Variants in GBE1 observed in about 807,000 individuals in gnomAD.
GBE1 encodes 1,4-alpha-glucan-branching enzyme.
Under a neutral mutation model 88.8 loss-of-function variants are expected in GBE1, and 70 were observed. The ratio of observed to expected loss-of-function variants is 0.79; its 90% CI spans 0.65 to 0.96. The LOEUF (loss-of-function observed/expected upper bound fraction) is 0.96. Ranked by LOEUF, GBE1 falls within the 40% of genes least tolerant of loss-of-function variation. The pLI, the probability that GBE1 is intolerant of heterozygous loss-of-function variation, is 0.00. For synonymous variants in GBE1, 284 were observed against 300.1 expected, an observed-to-expected ratio of 0.95 and a Z score of 0.56; for missense variants, 872 against 871.0, an observed-to-expected ratio of 1.00 and a Z score of -0.01.
intron 1 of GBE1, among the ~76,000 whole-genome samples, chr3:81,719,160 T>A (rs1040661201): frequency 1.3e-5 from 2 of 152,158 alleles, no homozygotes; most frequent in Non-Finnish European, 2.9e-5. Flanking sequence ...AGTGAACAAA[T>A]TCACAAAGTA....
intron 14 of GBE1, among the ~76,000 whole-genome samples, chr3:81,518,143 T>C (rs1576129207): frequency 6.6e-6 from 1 of 151,452 alleles, no homozygotes; most frequent in Non-Finnish European, 1.5e-5. Flanking sequence ...ATGCACTGTC[T>C]TCTTTAAAGG....
intron 7 of GBE1, among the ~76,000 whole-genome samples, chr3:81,602,464 G>A (rs561117709): frequency 3.3e-5 from 5 of 152,278 alleles, no homozygotes; most frequent in Non-Finnish European, 5.9e-5. Context: ...GAGGATGGAA[G>A]TCCAAAATCA....
chr3:81,612,283 G>T, intron 7 of GBE1: 2 of 689,174 alleles, frequency 2.9e-6, no homozygotes, highest in Non-Finnish European at 4.4e-6. Context: ...GCCTCTTCCT[G>T]CTGGCTTTAT....
intron 1 of GBE1, among the ~76,000 whole-genome samples, chr3:81,725,534 ATAG>A (rs1401289259): frequency 2.6e-5 from 4 of 152,176 alleles, no homozygotes; most frequent in Non-Finnish European, 4.4e-5. Flanking sequence ...TTTAATATAC[ATAG>A]TAGTAGTACA....
rs375326721 is a variant in GBE1 at position 81,710,230 on chromosome 3, A to ATTTTTTT, written c.144-4618_144-4617insAAAAAAA. Among the ~76,000 whole-genome samples the ATTTTTTT allele has an allele frequency of 5.6e-4, 42 of 74,672 alleles. 1 individual carries two copies. The highest frequency in any genetic ancestry group is 5.8e-3 in the Middle Eastern group (1 of 172). 49.0% of individuals were successfully genotyped at this position (74,672 alleles called of 152,430 possible). On this transcript the variant is annotated intron_variant, in intron 1 of 15. Transcript: ENST00000429644. ...TGTTGTTTTACTCTTAAGGTAATTA[A>ATTTTTTT]TCTTTTTTTTTTTTTTTTTTTTGAG...
Position 81,751,185 on chromosome 3 carries a change from T to C in GBE1, c.143+10190A>G, listed in dbSNP as rs147731927. 2.6e-3 allele frequency among the ~76,000 whole-genome samples: 395 copies of C among 152,274 alleles called. 2 individuals carry two copies. The highest frequency in any genetic ancestry group is 8.8e-3 in the African/African-American group (366 of 41,564). On this transcript the variant is annotated intron_variant, in intron 1 of 15. Coordinates refer to ENST00000429644, the MANE Select transcript of GBE1 (RefSeq NM_000158.4). ...ATCCATAACCAGCGGCTGGTAATAC[T>C]GAGGGGTGTTACTATAGACTCCTCT... is the stretch of plus-strand genomic sequence containing the variant.
At chr3:81,639,434 C>G (rs74583503) in intron 7 of GBE1, among the ~76,000 whole-genome samples, 203 of 151,740 alleles carry the variant, frequency 1.3e-3, no homozygotes, top group African/African-American at 4.6e-3. Flanking sequence ...TCCACATGAA[C>G]AGGTATTTCA....
At chr3:81,649,072 T>C in intron 4 of GBE1, 81 bp from the exon 5 acceptor site, 2 of 944,464 alleles carry the variant, frequency 2.1e-6, no homozygotes, top group Non-Finnish European at 3.1e-6. Context: ...TTTTAAAAAG[T>C]GGTGAATATA....
intron 7 of GBE1, among the ~76,000 whole-genome samples, chr3:81,610,215 ACT>A (rs2106988278): frequency 6.6e-6 from 1 of 152,130 alleles, no homozygotes; most frequent in East Asian, 1.9e-4. Flanking sequence ...TAAGTCAGCA[ACT>A]CTCCCTATCA....
chr3:81,712,150 C>A (rs1225477713), intron 1 of GBE1, among the ~76,000 whole-genome samples: 4 of 152,160 alleles, frequency 2.6e-5, no homozygotes, highest in Non-Finnish European at 5.9e-5. Context: ...AGTCAGGAAA[C>A]AACAGGTGCT....
intron 2 of GBE1, among the ~76,000 whole-genome samples, chr3:81,691,885 G>C (rs531342279): frequency 6.6e-6 from 1 of 151,630 alleles, no homozygotes; most frequent in South Asian, 2.1e-4. Flanking sequence ...ACCAATAAAA[G>C]AGAAAACCCC....
At chr3:81,656,709 G>A (rs1347487682) in intron 3 of GBE1, among the ~76,000 whole-genome samples, 1 of 152,108 alleles carries the variant, frequency 6.6e-6, no homozygotes, top group African/African-American at 2.4e-5. Context: ...CATTTGTCTT[G>A]TGTTCTTACT....
intron 1 of GBE1, among the ~76,000 whole-genome samples, chr3:81,722,699 T>A (rs1435063148): frequency 6.6e-6 from 1 of 151,764 alleles, no homozygotes; most frequent in Non-Finnish European, 1.5e-5. Context: ...ATAGTAGTCA[T>A]AACTGTCCTA....
rs59807899 is a variant in GBE1 at position 81,750,587 on chromosome 3, ACG to A, written c.143+10786_143+10787del. Among the ~76,000 whole-genome samples, 121 of 50,148 alleles carry A rather than the reference ACG, an allele frequency of 2.4e-3. 4 individuals are homozygous for A. The highest frequency in any genetic ancestry group is 0.013 in the East Asian group (7 of 526). 32.9% of individuals were successfully genotyped at this position (50,148 alleles called of 152,430 possible). ...TGTATATATATATACGTATATATAT[ACG>A]TATATATATATGTGTATATATATAT... On this transcript the variant is annotated intron_variant, in intron 1 of 15. Transcript: ENST00000429644.
intron 7 of GBE1, among the ~76,000 whole-genome samples, chr3:81,603,833 C>T (rs916662816): frequency 6.6e-6 from 1 of 152,046 alleles, no homozygotes; most frequent in East Asian, 1.9e-4. Context: ...TAATTCAAGG[C>T]TAACATTTCT....
chr3:81,746,455 T>C (rs1214923422), intron 1 of GBE1, among the ~76,000 whole-genome samples: 1 of 152,052 alleles, frequency 6.6e-6, no homozygotes, highest in Non-Finnish European at 1.5e-5. Context: ...AGATGGGATC[T>C]CACTGTATTG....
At chr3:81,711,139 C>T (rs139352002) in intron 1 of GBE1, among the ~76,000 whole-genome samples, 250 of 152,296 alleles carry the variant, frequency 1.6e-3, no homozygotes, top group Middle Eastern at 6.8e-3. Flanking sequence ...GACATCTCAG[C>T]GGAGATGGAT....
At chr3:81,537,155 T>G in intron 12 of GBE1, 60 bp from the exon 13 acceptor site, 1 of 994,500 alleles carries the variant, frequency 1.0e-6, no homozygotes, top group Non-Finnish European at 1.4e-6. Flanking sequence ...TTACTAATAA[T>G]AAATCAATAA....
Position 81,670,875 on chromosome 3 carries a change from T to C in GBE1, c.392A>G (p.Asn131Ser). Residue 131 changes from asparagine (N) to serine (S), a missense_variant, in exon 3 of 16, where the codon AAT becomes AGT. Coordinates refer to ENST00000429644, the MANE Select transcript of GBE1 (RefSeq NM_000158.4). ...KWELYIPPKQ[N>S]KSVLVPHGSK... ...TCCATGAGGCACGAGTACAGATTTA[T>C]TCTGCTTTGGTGGGATATACAGCTC... The C allele has an allele frequency of 6.3e-7, 1 of 1,580,518 alleles. No homozygotes were observed. The highest frequency in any genetic ancestry group is 2.3e-5 in the East Asian group (1 of 43,316).
Sources: gnomAD v4.1 joint callset for allele counts (sites outside exome capture counted in the v4.1 genomes callset) on GRCh38, gnomAD v4.1.1 for gene constraint, MANE v1.5 for transcripts, NCBI Gene and HGNC (gene_info 2026-07-23, HGNC 2026-07-21) for gene names.